FNTB: variants seen among roughly 807,000 people sequenced by gnomAD.
FNTB encodes the protein farnesyltransferase, CAAX box, subunit beta, also known as protein farnesyltransferase subunit beta.
In FNTB, 27 loss-of-function variants were observed where a neutral mutation model predicts 59.4. The ratio of observed to expected loss-of-function variants is 0.45; its 90% confidence interval spans 0.34 to 0.63. The LOEUF (loss-of-function observed/expected upper bound fraction) is 0.63. Ranked by LOEUF, FNTB falls within the 20% of genes least tolerant of loss-of-function variation. The probability of loss-of-function intolerance (pLI) is 0.02; values close to 1 mark genes in which losing one functional copy is unlikely to be tolerated. For missense variants in FNTB, 449 were observed against 559.6 expected, an observed-to-expected ratio of 0.80 and a Z score of 1.99; for synonymous variants, 230 against 220.7, an observed-to-expected ratio of 1.04 and a Z score of -0.37.
At chr14:64,988,368 T>C (rs117777892) in intron 1 of FNTB, among the ~76,000 whole-genome samples, 1,798 of 152,102 alleles carry the variant, frequency 0.012, 17 homozygotes, top group South Asian at 0.019. Context: ...TTTGCAGAAT[T>C]CCTAAATGAT....
intron 7 of FNTB, among the ~76,000 whole-genome samples, chr14:65,040,389 C>T (rs945778386): frequency 6.6e-6 from 1 of 151,196 alleles, no homozygotes; most frequent in African/African-American, 2.4e-5. Flanking sequence ...ATGTTTCTTA[C>T]ACAAGTAGGC....
rs1888140952 is a variant in FNTB at position 64,990,236 on chromosome 14, A to G, written c.144+3139A>G. Among the ~76,000 whole-genome samples the G allele has an allele frequency of 2.0e-5, 3 of 152,184 alleles. No homozygotes were observed. In the South Asian group the frequency reaches 6.2e-4, roughly 32 times the overall value. ...AGAGCCACTTGGCTGTATACCTGCC[A>G]TTTACTGCCCCAGATTCACTTGGCC... On this transcript the variant is annotated intron_variant, in intron 1 of 11. Transcript: ENST00000246166. This position sits in a 1 kb window ranked among gnomAD's most constrained non-coding sequence, Gnocchi z 5.2.
rs1402550004 is a variant in FNTB, at chr14:64,988,733, G to A, written c.144+1636G>A. The stretch of plus-strand genomic sequence containing the variant: ...AGTCGTGAGCCACTGCTCCTGGTGC[G>A]AGTATCTTTCAAATCTAGACCCAAC... On this transcript the variant is annotated intron_variant, in intron 1 of 11. Coordinates refer to ENST00000246166, the MANE Select transcript of FNTB (RefSeq NM_002028.4). 9.2e-5 allele frequency among the ~76,000 whole-genome samples: 14 copies of A among 152,200 alleles called. No individual in the cohort carries two copies. The East Asian group carries it at 1.5e-3, about 17-fold the overall frequency.
chr14:65,050,481 C>T (rs1190674794), intron 9 of FNTB, among the ~76,000 whole-genome samples: 1 of 152,106 alleles, frequency 6.6e-6, no homozygotes, highest in African/African-American at 2.4e-5. Context: ...ATCCAAGGTA[C>T]TCAGGAGGCT....
intron 2 of FNTB, 124 bp downstream of exon 2, chr14:65,004,437 C>A: frequency 9.6e-7 from 1 of 1,041,468 alleles, no homozygotes; most frequent in Non-Finnish European, 1.4e-6. Context: ...TGTTTCTTGT[C>A]CTTGTGGTTA....
intron 11 of FNTB, among the ~76,000 whole-genome samples, chr14:65,055,131 T>C (rs2062703099): frequency 6.6e-6 from 1 of 152,248 alleles, no homozygotes; most frequent in Non-Finnish European, 1.5e-5. Flanking sequence ...CCCAGAATGC[T>C]CTGCCTCAGT....
chr14:65,054,470 G>C lies in FNTB; in HGVS notation c.1068-105G>C, dbSNP rs1042594652. 8.9e-6 allele frequency: 10 copies of C among 1,120,876 alleles called. No individual in the cohort carries two copies. The highest frequency in any genetic ancestry group is 2.2e-5 in the Admixed American group (1 of 45,256). The allele number at this position is 1,120,876 out of a possible 1,614,324, so 69.4% of individuals were successfully genotyped here. ...GCCTCCTCTAGCCACATGGAGGATGGGGGGGGACGTGTGATTGCACCAGTG... is the reference window on the plus strand; with the variant it reads ...GCCTCCTCTAGCCACATGGAGGATGCGGGGGGACGTGTGATTGCACCAGTG... On this transcript the variant is annotated intron_variant, in intron 10 of 11. Coordinates refer to ENST00000246166, the MANE Select transcript of FNTB (RefSeq NM_002028.4). The surrounding 1 kb of genome is among the most constrained non-coding windows in gnomAD (Gnocchi z 4.4).
chr14:65,040,247 C>CTA (rs965434421), intron 7 of FNTB, among the ~76,000 whole-genome samples: 5 of 148,114 alleles, frequency 3.4e-5, no homozygotes, highest in South Asian at 2.1e-4. Flanking sequence ...ATGGTTATCA[C>CTA]TATATATATA....
rs1217677444 is a variant in FNTB, at chr14:64,997,831, G to A, written c.145-6418G>A. On this transcript the variant is annotated intron_variant, in intron 1 of 11. Transcript: ENST00000246166. This position sits in a 1 kb window ranked among gnomAD's most constrained non-coding sequence, Gnocchi z 4.5. ...CTTGTCTCCCTGGTACAGAAAGAGA[G>A]GCAAATGGAGATTTCCTTTTATAGA... 6.6e-6 allele frequency among the ~76,000 whole-genome samples: 1 copy of A among 152,212 alleles called. No individual in the cohort carries two copies.
intron 1 of FNTB, among the ~76,000 whole-genome samples, chr14:64,996,918 T>C (rs549117562): frequency 6.6e-6 from 1 of 152,260 alleles, no homozygotes; most frequent in African/African-American, 2.4e-5. Flanking sequence ...GTGTGCATCC[T>C]TCCACTTCAC....
intron 11 of FNTB, among the ~76,000 whole-genome samples, chr14:65,056,855 G>A (rs2062747511): frequency 6.6e-6 from 1 of 152,214 alleles, no homozygotes; most frequent in African/African-American, 2.4e-5. Flanking sequence ...ATAAAGACAA[G>A]AGGTTTATTT....
Position 64,991,698 on chromosome 14 carries a change from A to G in FNTB, c.144+4601A>G, listed in dbSNP as rs1200014124. On this transcript the variant is annotated intron_variant, in intron 1 of 11. Transcript: ENST00000246166. The surrounding 1 kb of genome is among the most constrained non-coding windows in gnomAD (Gnocchi z 4.4). ...GAGGATTTTGGGGAGTTGAAAAGCC[A>G]TCTGTGTGGGCTGAGGTGGTCAGGA... is the stretch of plus-strand genomic sequence containing the variant. 1.3e-5 allele frequency among the ~76,000 whole-genome samples: 2 copies of G among 152,210 alleles called. No individual in the cohort carries two copies. The highest frequency in any genetic ancestry group is 6.5e-5 in the Admixed American group (1 of 15,280).
At chr14:64,988,443 CTTT>C (rs1218125017) in intron 1 of FNTB, among the ~76,000 whole-genome samples, 6 of 120,538 alleles carry the variant, frequency 5.0e-5, no homozygotes, top group African/African-American at 9.5e-5. Flanking sequence ...ATGGGATTGC[CTTT>C]TTTTTTTTTT....
intron 4 of FNTB, among the ~76,000 whole-genome samples, chr14:65,017,736 A>G (rs11627757): frequency 0.25 from 38,006 of 152,028 alleles, 4,931 homozygotes; most frequent in Non-Finnish European, 0.3. Flanking sequence ...TGGGTGGATC[A>G]CTTGAGGTCA....
At chr14:65,060,697 CA>C (rs59036615) in intron 11 of FNTB, among the ~76,000 whole-genome samples, 6,720 of 48,588 alleles carry the variant, frequency 0.14, 694 homozygotes, top group East Asian at 0.46. Flanking sequence ...GACTCCGTCT[CA>C]AAAAAAAAAA....
Position 64,987,290 on chromosome 14 carries a change from G to T in FNTB, c.144+193G>T, listed in dbSNP as rs1039282448. The T allele has an allele frequency of 1.6e-5, 10 of 635,326 alleles. No homozygotes were observed. In the Admixed American group the frequency reaches 2.6e-4, roughly 17 times the overall value. 39.4% of individuals were successfully genotyped at this position (635,326 alleles called of 1,614,324 possible). A position where few individuals can be genotyped will look rare whatever the true frequency, so the allele number is the denominator to read the frequency against. On this transcript the variant is annotated intron_variant, in intron 1 of 11. Transcript: ENST00000246166. ...GTGGAGCGTTTGCGCGGCCAGCTTGGGGAAGGGTCGTTTCAAGGTTGGGCT... is the reference window on the plus strand; with the variant it reads ...GTGGAGCGTTTGCGCGGCCAGCTTGTGGAAGGGTCGTTTCAAGGTTGGGCT...
At chr14:65,020,473 T>C (rs991104433) in intron 4 of FNTB, among the ~76,000 whole-genome samples, 1 of 152,128 alleles carries the variant, frequency 6.6e-6, no homozygotes, top group African/African-American at 2.4e-5. Flanking sequence ...TTGCCCAGAC[T>C]GGAGTGCAGT....
chr14:65,041,316 T>C (rs1438691817), intron 8 of FNTB, among the ~76,000 whole-genome samples: 1 of 152,210 alleles, frequency 6.6e-6, no homozygotes. Flanking sequence ...TGTAAACATT[T>C]AGTACCTACA....
At chr14:65,033,468 A>G (rs1237072820) in intron 7 of FNTB, among the ~76,000 whole-genome samples, 7 of 152,216 alleles carry the variant, frequency 4.6e-5, no homozygotes, top group African/African-American at 1.7e-4. Context: ...CAAAGACCTG[A>G]AGTGTATATG....
Sources: allele counts gnomAD v4.1 joint callset (sites outside exome capture counted in the v4.1 genomes callset), GRCh38; gene constraint gnomAD v4.1.1; non-coding constraint Gnocchi (gnomAD v3.1); transcripts MANE v1.5; gene names NCBI Gene and HGNC (gene_info 2026-07-23, HGNC 2026-07-21).